Variants in ARL6 observed in about 807,000 individuals in gnomAD.
ARL6 encodes ADP-ribosylation factor-like protein 6.
A neutral mutation model predicts 27.1 loss-of-function variants in ARL6; 18 were observed. The ratio of observed to expected loss-of-function variants is 0.66; its 90% CI spans 0.46 to 0.98. The LOEUF (loss-of-function observed/expected upper bound fraction) is 0.98, where lower values mean the gene tolerates loss of function less well. Ranked by LOEUF, ARL6 falls within the 50% of genes least tolerant of loss-of-function variation. The pLI, the probability that ARL6 is intolerant of heterozygous loss-of-function variation, is 0.00. For synonymous variants in ARL6, 65 were observed against 72.3 expected, an observed-to-expected ratio of 0.90 and a Z score of 0.51; for missense variants, 187 against 214.9, an observed-to-expected ratio of 0.87 and a Z score of 0.81.
In ARL6 at chr3:97,765,211, G is replaced by T. The variant is rs9843490; in HGVS notation, c.-28+234G>T. 8.8e-3 allele frequency among the ~76,000 whole-genome samples: 930 copies of T among 105,602 alleles called. 11 individuals are homozygous for T. Among genetic ancestry groups the T allele is most frequent in the East Asian group, 0.05 (137 of 2,764 alleles). The allele number at this position is 105,602 out of a possible 152,430, so 69.3% of individuals were successfully genotyped here. A position where few individuals can be genotyped will look rare whatever the true frequency, so the allele number is the denominator to read the frequency against. ...GCTCAACTTAGACCCGTGTATTGGG[G>T]GTGTGTGTGTGTGTGTGTGTGTGTG... On this transcript the variant is annotated intron_variant, in intron 1 of 7. Coordinates refer to ENST00000463745, the MANE Select transcript of ARL6 (RefSeq NM_001278293.3).
chr3:97,795,060 G>A (rs2037935302), intron 7 of ARL6, among the ~76,000 whole-genome samples: 1 of 152,132 alleles, frequency 6.6e-6, no homozygotes, highest in Non-Finnish European at 1.5e-5. Flanking sequence ...CTGGGTGACA[G>A]AGCAAGACTG....
In ARL6 at chr3:97,768,135, T is replaced by C; in HGVS notation, c.28T>C (p.Leu10=). The C allele has an allele frequency of 1.2e-6, 2 of 1,613,166 alleles. No individual in the cohort carries two copies. Among genetic ancestry groups the C allele is most frequent in the Non-Finnish European group, 1.7e-6 (2 of 1,179,204 alleles). ...GGGATTGCTAGACAGACTTTCAGTC[T>C]TGCTTGGCCTGAAGAAGAAGGAGGT... is the stretch of plus-strand genomic sequence containing the variant. MGLLDRLSV[L]LGLKKKEVHV... is the part of the protein sequence containing the mutation. Residue 10 remains leucine, a synonymous_variant, in exon 2 of 8, where the codon TTG becomes CTG. Coordinates refer to ENST00000463745, the MANE Select transcript of ARL6 (RefSeq NM_001278293.3).
At chr3:97,775,606 A>T (rs2036859070) in intron 2 of ARL6, among the ~76,000 whole-genome samples, 1 of 152,192 alleles carries the variant, frequency 6.6e-6, no homozygotes, top group Admixed American at 6.5e-5. Context: ...CAGGATCAAT[A>T]CTTTGCATCC....
rs1344668461 is a variant in ARL6 at position 97,798,955 on chromosome 3, CTT to C, written c.*909_*910del. On this transcript the variant is annotated 3_prime_UTR_variant, in exon 8 of 8. Coordinates refer to ENST00000463745, the MANE Select transcript of ARL6 (RefSeq NM_001278293.3). Reference sequence around the variant, plus strand: ...AGCACTTTGTTAAAATAAATTGTGACTTTTAACTTTTTCATGAACATAACTGC... The same window carrying C: ...AGCACTTTGTTAAAATAAATTGTGACTTAACTTTTTCATGAACATAACTGC... 4 of 151,964 alleles carry C rather than the reference CTT, an allele frequency of 2.6e-5. No individual in the cohort carries two copies. Among genetic ancestry groups the C allele is most frequent in the Admixed American group, 6.6e-5 (1 of 15,244 alleles). The allele number at this position is 151,964 out of a possible 1,614,324, so 9.4% of individuals were successfully genotyped here. A position where few individuals can be genotyped will look rare whatever the true frequency, so the allele number is the denominator to read the frequency against.
rs1345078746 is a variant in ARL6, at chr3:97,799,520, G to T, written c.*1471G>T. On this transcript the variant is annotated 3_prime_UTR_variant, in exon 8 of 8. Transcript: ENST00000463745. ...GGAAGGACATAAGGATGGAAACAATGAATGTAATTTTTTAAAAAACTGATA... is the reference window on the plus strand; with the variant it reads ...GGAAGGACATAAGGATGGAAACAATTAATGTAATTTTTTAAAAAACTGATA... The T allele has an allele frequency of 6.6e-6, 1 of 152,012 alleles. No individual in the cohort carries two copies. Among genetic ancestry groups the T allele is most frequent in the South Asian group, 2.1e-4 (1 of 4,834 alleles). The allele number at this position is 152,012 out of a possible 1,614,324, so 9.4% of individuals were successfully genotyped here.
intron 2 of ARL6, among the ~76,000 whole-genome samples, chr3:97,772,878 C>G (rs372609131): frequency 6.6e-6 from 1 of 152,126 alleles, no homozygotes; most frequent in Non-Finnish European, 1.5e-5. Flanking sequence ...CCTCGGCCTC[C>G]CAAAGTGCTG....
intron 7 of ARL6, among the ~76,000 whole-genome samples, chr3:97,792,299 A>G (rs1335462951): frequency 2.0e-5 from 3 of 152,158 alleles, no homozygotes; most frequent in Non-Finnish European, 4.4e-5. Context: ...CGAGGCCAAC[A>G]TGGTGAAACC....
chr3:97,790,085 G>A (rs908437713), intron 6 of ARL6, among the ~76,000 whole-genome samples: 72 of 151,774 alleles, frequency 4.7e-4, no homozygotes, highest in African/African-American at 1.6e-3. Flanking sequence ...GTGTGTGTGT[G>A]TGTGTGCATG....
rs569708057 is a variant in ARL6, at chr3:97,800,153, G to A, written c.*2104G>A. The stretch of plus-strand genomic sequence containing the variant: ...TAGCTCATACCTATGCAAATATTTA[G>A]AAGAAGGAGAAGTACCCTTTTTCTT... On this transcript the variant is annotated 3_prime_UTR_variant, in exon 8 of 8. Transcript: ENST00000463745. 5 of 152,126 alleles carry A rather than the reference G, an allele frequency of 3.3e-5. No homozygotes were observed. The highest frequency in any genetic ancestry group is 1.2e-4 in the African/African-American group (5 of 41,516). The allele number at this position is 152,126 out of a possible 1,614,324, so 9.4% of individuals were successfully genotyped here. A position where few individuals can be genotyped will look rare whatever the true frequency, so the allele number is the denominator to read the frequency against.
At chr3:97,779,359 C>T (rs2037066604) in intron 2 of ARL6, among the ~76,000 whole-genome samples, 1 of 152,138 alleles carries the variant, frequency 6.6e-6, no homozygotes, top group Admixed American at 6.5e-5. Context: ...CAGATGGCCC[C>T]TACTCAGAGA....
intron 2 of ARL6, among the ~76,000 whole-genome samples, chr3:97,773,243 T>G (rs370621355): frequency 5.0e-4 from 76 of 152,324 alleles, no homozygotes; most frequent in African/African-American, 1.7e-3. Context: ...AGACGTAGGC[T>G]GGGAGGCTAA....
intron 2 of ARL6, 151 bp from the exon 3 acceptor site, chr3:97,780,008 A>G: frequency 1.5e-6 from 1 of 663,294 alleles, no homozygotes; most frequent in East Asian, 2.7e-5. Context: ...ATTCACACAG[A>G]GTGATCCTAT....
At chr3:97,765,015 C>T in intron 1 of ARL6, 38 bp downstream of exon 1, 1 of 152,248 alleles carries the variant, frequency 6.6e-6, no homozygotes, top group East Asian at 1.9e-4. Flanking sequence ...CCAGCGCCAC[C>T]CTCTGTCCCC....
intron 5 of ARL6, among the ~76,000 whole-genome samples, chr3:97,787,340 A>T (rs2037507313): frequency 6.6e-6 from 1 of 152,162 alleles, no homozygotes; most frequent in Non-Finnish European, 1.5e-5. Flanking sequence ...ATAATATATA[A>T]TAATTATGTT....
At chr3:97,784,179 T>C (rs906243592) in intron 4 of ARL6, among the ~76,000 whole-genome samples, 4 of 151,922 alleles carry the variant, frequency 2.6e-5, no homozygotes, top group African/African-American at 9.6e-5. Flanking sequence ...TGATGACACA[T>C]CCATGCAGTG....
At chr3:97,794,973 A>T (rs2037930529) in intron 7 of ARL6, among the ~76,000 whole-genome samples, 1 of 152,178 alleles carries the variant, frequency 6.6e-6, no homozygotes, top group Admixed American at 6.5e-5. Context: ...CTGTAATCCC[A>T]GCTGCTAGGG....
At chr3:97,774,427 G>A (rs1188000243) in intron 2 of ARL6, among the ~76,000 whole-genome samples, 1 of 152,074 alleles carries the variant, frequency 6.6e-6, no homozygotes, top group Non-Finnish European at 1.5e-5. Context: ...CTCAGGGGAG[G>A]CCATCACTGT....
chr3:97,786,665 C>T (rs1017465305), intron 5 of ARL6, among the ~76,000 whole-genome samples: 4 of 151,970 alleles, frequency 2.6e-5, no homozygotes, highest in Non-Finnish European at 4.4e-5. Flanking sequence ...GTACTGTGAA[C>T]AGATAAAGAC....
chr3:97,766,142 A>G (rs2036368439), intron 1 of ARL6: 1 of 152,228 alleles, frequency 6.6e-6, no homozygotes, highest in African/African-American at 2.4e-5. Context: ...TCAGTGCTTT[A>G]TAGTAGATGC....
Sources: allele counts gnomAD v4.1 joint callset (sites outside exome capture counted in the v4.1 genomes callset), GRCh38; gene constraint gnomAD v4.1.1; transcripts MANE v1.5; gene names NCBI Gene and HGNC (gene_info 2026-07-23, HGNC 2026-07-21).